Variants in ASTN2 observed in about 807,000 individuals in gnomAD.
ASTN2 encodes astrotactin-2.
ASTN2 carries 54 observed loss-of-function variants against 139.8 expected under a neutral mutation model. The observed-to-expected ratio is 0.39, with a 90% CI of 0.31 to 0.48. The LOEUF is 0.48. Among genes scored for constraint, ASTN2 ranks in the 20% least tolerant of loss-of-function variants. The pLI, the probability that ASTN2 is intolerant of heterozygous loss-of-function variation, is 0.95. For missense variants in ASTN2, 1,565 were observed against 1,725.1 expected (o/e 0.91, Z 1.64); for synonymous variants, 756 against 719.5 (o/e 1.05, Z -0.81).
chr9:117,165,352 G>A (rs556643399), intron 3 of ASTN2, among the ~76,000 whole-genome samples: 5 of 152,234 alleles, frequency 3.3e-5, no homozygotes, highest in Non-Finnish European at 5.9e-5. Flanking sequence ...GCTCAAGAAG[G>A]TGAAATATCT....
chr9:116,700,970 T>C (rs1174721988), intron 16 of ASTN2: 1 of 167,054 alleles, frequency 6.0e-6, no homozygotes, highest in Non-Finnish European at 1.5e-5. Context: ...AGGTTTAGAG[T>C]CACCAATACC....
At chr9:116,858,289 A>G (rs1169444249) in intron 11 of ASTN2, among the ~76,000 whole-genome samples, 1 of 152,234 alleles carries the variant, frequency 6.6e-6, no homozygotes, top group East Asian at 1.9e-4. Context: ...AGAAAGCTGG[A>G]ACCAGGAAAG....
chr9:116,922,198 A>G (rs192530156), intron 10 of ASTN2, among the ~76,000 whole-genome samples: 2 of 152,348 alleles, frequency 1.3e-5, no homozygotes, highest in Non-Finnish European at 1.5e-5. Flanking sequence ...TTCCCCAGAA[A>G]GGGCACTTGT....
rs542106965 is a variant in ASTN2 at position 116,900,482 on chromosome 9, A to T, written c.1890-36749T>A. On this transcript the variant is annotated intron_variant, in intron 10 of 22. Coordinates refer to ENST00000313400, the MANE Select transcript of ASTN2 (RefSeq NM_001365068.1). ...TATGTAATTTGTAGAGAGAGAAATC[A>T]TTTTGAGGATTTTTTCTTATTGAGA... Among the ~76,000 whole-genome samples the T allele has an allele frequency of 4.6e-5, 7 of 152,298 alleles. No homozygotes were observed. In the South Asian group the frequency reaches 1.5e-3, roughly 32 times the overall value.
Position 116,831,379 on chromosome 9 carries a change from C to T in ASTN2, c.2041-10596G>A, listed in dbSNP as rs143096366. On this transcript the variant is annotated intron_variant, in intron 11 of 22. Coordinates refer to ENST00000313400, the MANE Select transcript of ASTN2 (RefSeq NM_001365068.1). ...AAAATAAAAATATAAATAAAGGTAA[C>T]TGAAACTATTAGCTGATTTTTTCTT... is the stretch of plus-strand genomic sequence containing the variant. Among the ~76,000 whole-genome samples, 142 of 151,666 alleles carry T rather than the reference C, an allele frequency of 9.4e-4. 1 individual carries two copies. Among genetic ancestry groups the T allele is most frequent in the Non-Finnish European group, 6.3e-4 (43 of 67,994 alleles).
At chr9:117,221,807 A>G (rs942030063) in intron 2 of ASTN2, among the ~76,000 whole-genome samples, 1 of 151,612 alleles carries the variant, frequency 6.6e-6, no homozygotes, top group African/African-American at 2.4e-5. Context: ...TTTAAGCTGG[A>G]AGAATTATTA....
At chr9:117,401,667 A>G (rs1830829088) in intron 1 of ASTN2, among the ~76,000 whole-genome samples, 1 of 152,026 alleles carries the variant, frequency 6.6e-6, no homozygotes, top group South Asian at 2.1e-4. Context: ...CAGGCTAGAC[A>G]CTCTCTATTG....
At chr9:117,367,634 C>T (rs2130907505) in intron 1 of ASTN2, among the ~76,000 whole-genome samples, 1 of 152,238 alleles carries the variant, frequency 6.6e-6, no homozygotes, top group South Asian at 2.1e-4. Flanking sequence ...GGTGCTCTGT[C>T]TGTGGTCACA....
chr9:117,127,403 T>G (rs1829715846), intron 4 of ASTN2, among the ~76,000 whole-genome samples: 1 of 152,170 alleles, frequency 6.6e-6, no homozygotes, highest in Admixed American at 6.5e-5. Flanking sequence ...CCTGCAAATC[T>G]TTATAACTAG....
intron 17 of ASTN2, among the ~76,000 whole-genome samples, chr9:116,630,985 C>A (rs113665522): frequency 2.6e-5 from 4 of 151,958 alleles, no homozygotes; most frequent in African/African-American, 9.7e-5. Context: ...CAGGGAAATG[C>A]AAATCAAAAC....
At chr9:116,761,001 A>T (rs1050221882) in intron 13 of ASTN2, among the ~76,000 whole-genome samples, 3 of 152,192 alleles carry the variant, frequency 2.0e-5, no homozygotes, top group Non-Finnish European at 4.4e-5. Flanking sequence ...TGCTGGAAGG[A>T]TGGCTGGGAG....
chr9:116,978,489 T>G (rs1336026046), intron 7 of ASTN2, among the ~76,000 whole-genome samples: 3 of 125,402 alleles, frequency 2.4e-5, no homozygotes, highest in African/African-American at 9.4e-5. Flanking sequence ...TCTCTCTCTC[T>G]CTCACGCACA....
At chr9:117,079,568 A>G (rs1381386785) in intron 5 of ASTN2, among the ~76,000 whole-genome samples, 1 of 152,194 alleles carries the variant, frequency 6.6e-6, no homozygotes, top group African/African-American at 2.4e-5. Flanking sequence ...ACAGAGAAAA[A>G]GGTCAGGAAC....
At chr9:117,314,921 G>A (rs1156437178) in intron 1 of ASTN2, among the ~76,000 whole-genome samples, 1 of 142,610 alleles carries the variant, frequency 7.0e-6, no homozygotes, top group Non-Finnish European at 1.5e-5. Context: ...TGTAAATCTA[G>A]CATGATATAT....
At chr9:117,347,566 G>T (rs2130874682) in intron 1 of ASTN2, among the ~76,000 whole-genome samples, 1 of 152,264 alleles carries the variant, frequency 6.6e-6, no homozygotes, top group East Asian at 1.9e-4. Context: ...CAGCTAGCTA[G>T]TAAGGCCTTC....
intron 22 of ASTN2, among the ~76,000 whole-genome samples, chr9:116,429,074 C>T (rs763893391): frequency 6.6e-6 from 1 of 152,018 alleles, no homozygotes; most frequent in Non-Finnish European, 1.5e-5. Context: ...AGCAGTGGCT[C>T]ACACCTGTAA....
intron 13 of ASTN2, among the ~76,000 whole-genome samples, chr9:116,794,739 G>A (rs562882362): frequency 2.8e-4 from 42 of 152,278 alleles, no homozygotes; most frequent in Admixed American, 1.8e-3. Context: ...GGCTTTGAAA[G>A]GGATAGAAAA....
At chr9:117,381,116 C>T (rs1830259136) in intron 1 of ASTN2, among the ~76,000 whole-genome samples, 1 of 152,108 alleles carries the variant, frequency 6.6e-6, no homozygotes, top group South Asian at 2.1e-4. Flanking sequence ...GAAAACATTT[C>T]TAGGTGAAAG....
chr9:117,135,221 G>A (rs1829923078), intron 4 of ASTN2, among the ~76,000 whole-genome samples: 1 of 152,252 alleles, frequency 6.6e-6, no homozygotes, highest in Non-Finnish European at 1.5e-5. Flanking sequence ...TGAATTCATA[G>A]CTCCACTATG....
Sources: gnomAD v4.1 joint callset for allele counts (sites outside exome capture counted in the v4.1 genomes callset) on GRCh38, gnomAD v4.1.1 for gene constraint, MANE v1.5 for transcripts, NCBI Gene and HGNC (gene_info 2026-07-23, HGNC 2026-07-21) for gene names.